DOCK9: variants seen among roughly 807,000 people sequenced by gnomAD.
DOCK9 encodes the protein dedicator of cytokinesis 9, also known as dedicator of cytokinesis protein 9.
In DOCK9, 89 loss-of-function variants were observed where a neutral mutation model predicts 263.3. That is an observed-to-expected ratio of 0.34 (90% CI 0.28 to 0.40). The LOEUF (loss-of-function observed/expected upper bound fraction) is 0.40. DOCK9 is among the 10% of genes least tolerant of loss of function. The pLI is 1.00. For synonymous variants in DOCK9, 976 were observed against 973.1 expected, an observed-to-expected ratio of 1.00 and a Z score of -0.06; for missense variants, 2,140 against 2,603.4, an observed-to-expected ratio of 0.82 and a Z score of 3.87.
chr13:98,964,000 C>T (rs926975793), intron 1 of DOCK9, among the ~76,000 whole-genome samples: 7 of 152,188 alleles, frequency 4.6e-5, no homozygotes, highest in African/African-American at 2.4e-5. Flanking sequence ...AAAATAACAG[C>T]GGCCTCCCTT....
At chr13:98,823,969 C>G (rs1415169076) in intron 45 of DOCK9, among the ~76,000 whole-genome samples, 1 of 152,144 alleles carries the variant, frequency 6.6e-6, no homozygotes, top group Non-Finnish European at 1.5e-5. Flanking sequence ...GACCAGGACC[C>G]GAGTCTGGCC....
At chr13:98,886,489 T>C in intron 19 of DOCK9, 43 bp downstream of exon 19, 1 of 1,578,346 alleles carries the variant, frequency 6.3e-7, no homozygotes, top group African/African-American at 1.3e-5. Flanking sequence ...AAGTTTCCCT[T>C]AAAACTGGTC....
intron 1 of DOCK9, among the ~76,000 whole-genome samples, chr13:99,038,810 T>C (rs929687530): frequency 6.6e-6 from 1 of 152,240 alleles, no homozygotes; most frequent in Non-Finnish European, 1.5e-5. Flanking sequence ...AAGTAGTACC[T>C]AGAAGTTATT....
chr13:99,007,144 C>T (rs1355112039), intron 1 of DOCK9, among the ~76,000 whole-genome samples: 2 of 152,180 alleles, frequency 1.3e-5, no homozygotes, highest in East Asian at 1.9e-4. Flanking sequence ...AATCCCAGCA[C>T]TTTGAGAGGC....
At chr13:98,877,258 G>C (rs1480147928) in intron 27 of DOCK9, among the ~76,000 whole-genome samples, 1 of 152,182 alleles carries the variant, frequency 6.6e-6, no homozygotes, top group Non-Finnish European at 1.5e-5. Flanking sequence ...GGGAGGAGCT[G>C]GAACAGAAGA....
intron 33 of DOCK9, chr13:98,858,737 G>A (rs2093768864): frequency 6.6e-6 from 1 of 152,184 alleles, no homozygotes; most frequent in Admixed American, 6.6e-5. Flanking sequence ...GATTAAGTCA[G>A]TTTCAAGTAC....
At chr13:98,831,570 A>G (rs2092764371) in intron 40 of DOCK9, 40 bp from the exon 41 acceptor site, 1 of 1,590,388 alleles carries the variant, frequency 6.3e-7, no homozygotes, top group South Asian at 1.1e-5. Context: ...AACCACAGAC[A>G]GGTCAGTGCT....
intron 48 of DOCK9, 87 bp downstream of exon 48, chr13:98,807,573 GT>G: frequency 1.6e-6 from 2 of 1,228,858 alleles, no homozygotes; most frequent in Non-Finnish European, 2.1e-6. Context: ...TTTTTCTTGT[GT>G]TTTTTTCTAT....
intron 1 of DOCK9, among the ~76,000 whole-genome samples, chr13:99,056,961 G>T (rs1377073071): frequency 6.6e-6 from 1 of 152,232 alleles, no homozygotes; most frequent in Non-Finnish European, 1.5e-5. Context: ...CTCCCTGGGG[G>T]ATTAGAGCAG....
chr13:98,833,600 G>A (rs1473857183), intron 39 of DOCK9, among the ~76,000 whole-genome samples: 3 of 152,014 alleles, frequency 2.0e-5, no homozygotes, highest in African/African-American at 7.2e-5. Context: ...CTCAAAACTT[G>A]TTTGCAAGAA....
intron 1 of DOCK9, among the ~76,000 whole-genome samples, chr13:99,020,438 C>T (rs1885957854): frequency 6.6e-6 from 1 of 152,134 alleles, no homozygotes. Flanking sequence ...CCCCAGAAAG[C>T]CCGCACAGAA....
At chr13:98,969,240 G>A (rs1201249320) in intron 1 of DOCK9, among the ~76,000 whole-genome samples, 7 of 152,162 alleles carry the variant, frequency 4.6e-5, no homozygotes, top group East Asian at 3.9e-4. Context: ...CAATAGCCAC[G>A]TCCCATGTAA....
chr13:98,845,217 C>G lies in DOCK9; in HGVS notation c.4198+707G>C, dbSNP rs1037994641. 9 of 664,034 alleles carry G rather than the reference C, an allele frequency of 1.4e-5. No individual in the cohort carries two copies. In the African/African-American group the frequency reaches 1.5e-4, roughly 11 times the overall value. 41.1% of individuals were successfully genotyped at this position (664,034 alleles called of 1,614,324 possible). On this transcript the variant is annotated intron_variant, in intron 38 of 52. Coordinates refer to ENST00000682017, the MANE Select transcript of DOCK9 (RefSeq NM_001366683.2). ...ATGCTCCCCTGTTCTGGCAGAATCTCTTTTGTAAAGTTAGAAAGCCCCAAA... is the reference window on the plus strand; with the variant it reads ...ATGCTCCCCTGTTCTGGCAGAATCTGTTTTGTAAAGTTAGAAAGCCCCAAA...
chr13:98,934,381 A>G (rs1239026525), intron 2 of DOCK9, among the ~76,000 whole-genome samples: 5 of 152,244 alleles, frequency 3.3e-5, no homozygotes, highest in Non-Finnish European at 5.9e-5. Flanking sequence ...ATTGCAGGCG[A>G]GATACTACAA....
chr13:98,950,194 G>T lies in DOCK9; in HGVS notation c.243+5241C>A. 7.0e-6 allele frequency: 7 copies of T among 994,170 alleles called. No individual in the cohort carries two copies. The South Asian group carries it at 1.1e-4, about 16-fold the overall frequency. The allele number at this position is 994,170 out of a possible 1,614,324, so 61.6% of individuals were successfully genotyped here. ...TTGGATGCGTAAAACAAAGGCCAAG[G>T]AATGTTTATCTGGCAATTCCAAGGC... is the stretch of plus-strand genomic sequence containing the variant. On this transcript the variant is annotated intron_variant, in intron 2 of 52. Coordinates refer to ENST00000682017, the MANE Select transcript of DOCK9 (RefSeq NM_001366683.2).
At chr13:98,983,413 G>A (rs1328580670) in intron 1 of DOCK9, among the ~76,000 whole-genome samples, 1 of 152,094 alleles carries the variant, frequency 6.6e-6, no homozygotes, top group Admixed American at 6.5e-5. Flanking sequence ...GAACGGCACT[G>A]CAGACAACTG....
At chr13:98,892,263 T>G (rs2046738189) in intron 15 of DOCK9, among the ~76,000 whole-genome samples, 1 of 152,142 alleles carries the variant, frequency 6.6e-6, no homozygotes, top group Non-Finnish European at 1.5e-5. Context: ...GACTCAACAA[T>G]TCCCACAGAG....
chr13:98,893,173 GC>G (rs2139137166), intron 15 of DOCK9, among the ~76,000 whole-genome samples: 1 of 152,334 alleles, frequency 6.6e-6, no homozygotes, highest in Admixed American at 6.5e-5. Context: ...TGGCTTGAGT[GC>G]AGTGTAACCA....
At chr13:98,994,772 G>A (rs1160528063) in intron 1 of DOCK9, among the ~76,000 whole-genome samples, 4 of 151,860 alleles carry the variant, frequency 2.6e-5, no homozygotes, top group East Asian at 1.9e-4. Context: ...TGGTAATTCC[G>A]CTTCCCCTTT....
Sources: allele counts gnomAD v4.1 joint callset (sites outside exome capture counted in the v4.1 genomes callset), GRCh38; gene constraint gnomAD v4.1.1; transcripts MANE v1.5; gene names NCBI Gene and HGNC (gene_info 2026-07-23, HGNC 2026-07-21).